The following CDCA7 variants were observed in gnomAD, a reference collection of about 807,000 sequenced individuals.
CDCA7 encodes cell division cycle-associated protein 7.
CDCA7 carries 28 observed loss-of-function variants against 54.0 expected under a neutral mutation model. The ratio of observed to expected loss-of-function variants is 0.52; its 90% CI spans 0.38 to 0.71. The LOEUF is 0.71. Among genes scored for constraint, CDCA7 ranks in the 30% least tolerant of loss-of-function variants. CDCA7 has a pLI of 0.00. For missense variants in CDCA7, 484 were observed against 586.0 expected (o/e 0.83, Z 1.80); for synonymous variants, 180 against 208.2 (o/e 0.86, Z 1.16).
chr2:173,367,100 G>T, intron 8 of CDCA7, 50 bp from the exon 9 acceptor site: 1 of 1,532,928 alleles, frequency 6.5e-7, no homozygotes, highest in Non-Finnish European at 8.7e-7. Flanking sequence ...ATAAGTTGGT[G>T]GGGGAGGTAA....
At chr2:173,360,610 A>G (rs2106389279) in intron 3 of CDCA7, among the ~76,000 whole-genome samples, 1 of 152,114 alleles carries the variant, frequency 6.6e-6, no homozygotes, top group Admixed American at 6.5e-5. Flanking sequence ...CCAGTAGCTG[A>G]GACTACAGGC....
chr2:173,363,866 G>T lies in CDCA7; in HGVS notation c.670G>T (p.Gly224Ter). 2 of 1,614,184 alleles carry T rather than the reference G, an allele frequency of 1.2e-6. No individual in the cohort carries two copies. The highest frequency in any genetic ancestry group is 1.7e-6 in the Non-Finnish European group (2 of 1,180,030). The change falls in exon 5 of 10, where the codon GGA (glycine) becomes TGA (stop). Residue 224 changes from glycine to a stop codon, truncating the protein, a stop_gained. Transcript: ENST00000306721. LOFTEE classifies it high-confidence loss of function. ...AGAAAGCTTCCCTGGCTCGTTCCGT[G>T]GAAGACATCCCCTCCCAGGCTCCGA... is the stretch of plus-strand genomic sequence containing the variant. The part of the protein sequence containing the change: ...ELESFPGSFR[G>*]RHPLPGSDSQ...
Position 173,366,987 on chromosome 2 carries a change from A to T in CDCA7, c.1186-163A>T, listed in dbSNP as rs1196348250. On this transcript the variant is annotated intron_variant, in intron 8 of 9. Coordinates refer to ENST00000306721, the MANE Select transcript of CDCA7 (RefSeq NM_031942.5). This position sits in a 1 kb window ranked among gnomAD's most constrained non-coding sequence, Gnocchi z 4.5. ...TCCCTGGTAGCTGCTTGTAACTTCC[A>T]CTCCTGGAAGGAAGCATTAGGCATT... Among the ~76,000 whole-genome samples, 1 of 152,032 alleles carries T rather than the reference A, an allele frequency of 6.6e-6. No homozygotes were observed. The highest frequency in any genetic ancestry group is 1.9e-4 in the East Asian group (1 of 5,192).
chr2:173,366,685 C>T lies in CDCA7; in HGVS notation c.1185+253C>T, dbSNP rs527394718. ...TCCCAAGTAGCTGGGACTACAGGCA[C>T]GCGCCACCACACCTAGCTAATTTTT... On this transcript the variant is annotated intron_variant, in intron 8 of 9. Transcript: ENST00000306721. This position sits in a 1 kb window ranked among gnomAD's most constrained non-coding sequence, Gnocchi z 4.5. Among the ~76,000 whole-genome samples the T allele has an allele frequency of 2.3e-4, 35 of 152,206 alleles. No homozygotes were observed. Among genetic ancestry groups the T allele is most frequent in the South Asian group, 4.2e-4 (2 of 4,812 alleles).
chr2:173,367,346 G>A, intron 9 of CDCA7, 60 bp downstream of exon 9: 1 of 1,607,004 alleles, frequency 6.2e-7, no homozygotes, highest in Non-Finnish European at 8.5e-7. Flanking sequence ...ATGTCTTAAT[G>A]AGAAGATGAT....
In CDCA7 at chr2:173,358,729, AAAG is replaced by A. The variant is rs770979057; in HGVS notation, c.45_47del (p.Lys15del). On this transcript the variant is annotated inframe_deletion, in exon 2 of 10. Coordinates refer to ENST00000306721, the MANE Select transcript of CDCA7 (RefSeq NM_031942.5). ...ATTTGCAGCAGAAAGATCTCAGAGT[AAAG>A]AAGAACTTAAAGAAATTCAGATATG... The A allele has an allele frequency of 2.5e-5, 41 of 1,613,770 alleles. No homozygotes were observed. The highest frequency in any genetic ancestry group is 1.3e-4 in the East Asian group (6 of 44,880).
At chr2:173,359,178 C>G (rs1686571372) in intron 2 of CDCA7, 77 bp from the exon 3 acceptor site, 9 of 1,188,070 alleles carry the variant, frequency 7.6e-6, no homozygotes, top group Admixed American at 2.0e-5. Context: ...GTGATTTGCT[C>G]TCTGCACGGT....
chr2:173,358,073 G>GC (rs1686544255), intron 1 of CDCA7, among the ~76,000 whole-genome samples: 1 of 151,938 alleles, frequency 6.6e-6, no homozygotes, highest in Admixed American at 6.6e-5. Context: ...GGTGGCGGGC[G>GC]CCTGTAATCC....
rs1239402356 is a variant in CDCA7, at chr2:173,368,753, G to T, written c.*1089G>T. On this transcript the variant is annotated 3_prime_UTR_variant, in exon 10 of 10. Transcript: ENST00000306721. Reference sequence around the variant, plus strand: ...TGGTAGAGGTGGAATCTAAGTGTTTGTATGTCCAATTTACTTGCATATGTA... The same window carrying T: ...TGGTAGAGGTGGAATCTAAGTGTTTTTATGTCCAATTTACTTGCATATGTA... 2.0e-5 allele frequency: 3 copies of T among 152,154 alleles called. No homozygotes were observed. The highest frequency in any genetic ancestry group is 4.1e-4 in the South Asian group (2 of 4,828). 9.4% of individuals were successfully genotyped at this position (152,154 alleles called of 1,614,324 possible). A position where few individuals can be genotyped will look rare whatever the true frequency, so the allele number is the denominator to read the frequency against.
At position 173,354,915 on chromosome 2, in the gene CDCA7, TG is replaced by T. The variant is rs755397947; in HGVS notation, c.-48del. ...GCTGTGGGACCGCTGACCGCGCGGCTGCTCCGCTCTCCCCGCTCCAAGCGCC... is the reference window on the plus strand; with the variant it reads ...GCTGTGGGACCGCTGACCGCGCGGCTCTCCGCTCTCCCCGCTCCAAGCGCC... On this transcript the variant is annotated 5_prime_UTR_variant, in exon 1 of 10. Coordinates refer to ENST00000306721, the MANE Select transcript of CDCA7 (RefSeq NM_031942.5). 7.1e-4 allele frequency: 1,033 copies of T among 1,447,182 alleles called. 2 individuals carry two copies. Among genetic ancestry groups the T allele is most frequent in the Non-Finnish European group, 8.4e-4 (931 of 1,104,070 alleles). 89.6% of individuals were successfully genotyped at this position (1,447,182 alleles called of 1,614,324 possible).
chr2:173,363,174 T>C (rs1219899309), intron 3 of CDCA7, 52 bp from the exon 4 acceptor site: 3 of 1,546,628 alleles, frequency 1.9e-6, no homozygotes, highest in Non-Finnish European at 2.7e-6. Context: ...GTAGTTATAC[T>C]GATGCAGCTT....
intron 1 of CDCA7, among the ~76,000 whole-genome samples, chr2:173,357,813 C>CA (rs1686538002): frequency 6.6e-6 from 1 of 152,088 alleles, no homozygotes; most frequent in Non-Finnish European, 1.5e-5. Context: ...ATTAGGGGCT[C>CA]ATAAAGGTGG....
Position 173,366,266 on chromosome 2 carries a change from T to C in CDCA7, c.1036-17T>C. 6.3e-7 allele frequency: 1 copy of C among 1,584,226 alleles called. No homozygotes were observed. Among genetic ancestry groups the C allele is most frequent in the Non-Finnish European group, 8.6e-7 (1 of 1,167,808 alleles). ...CAGTGGTTTTTTTTGTTTTTTTTCT[T>C]AATGGCTTATTTGTAGGGCTCTACT... On this transcript the variant is annotated splice_polypyrimidine_tract_variant and intron_variant, in intron 7 of 9. Coordinates refer to ENST00000306721, the MANE Select transcript of CDCA7 (RefSeq NM_031942.5). This position sits in a 1 kb window ranked among gnomAD's most constrained non-coding sequence, Gnocchi z 4.5.
At position 173,367,621 on chromosome 2, in the gene CDCA7, T is replaced by A; in HGVS notation, c.1323-13T>A. The A allele has an allele frequency of 6.2e-7, 1 of 1,614,126 alleles. No individual in the cohort carries two copies. The highest frequency in any genetic ancestry group is 1.3e-5 in the African/African-American group (1 of 75,050). ...AAACTATGTCCTGACACATTTCCTT[T>A]TGTTTTTCACAGCCTGAAACAGGAA... On this transcript the variant is annotated splice_polypyrimidine_tract_variant and intron_variant, in intron 9 of 9. Transcript: ENST00000306721.
At position 173,365,459 on chromosome 2, in the gene CDCA7, A is replaced by G; in HGVS notation, c.902A>G (p.Asp301Gly). ...KTVDGYMNED[D>G]LPRSRRSRSS... is the part of the protein sequence containing the mutation. The stretch of plus-strand genomic sequence containing the variant: ...GTATTCCTTGTAATGCAGGAAGATG[A>G]CCTGCCCAGAAGCCGTCGCTCCAGA... The change falls in exon 7 of 10, where the codon GAC (aspartate) becomes GGC (glycine). Residue 301 changes from aspartate to glycine, a missense_variant. Physicochemically the swap from Asp to Gly is moderately conservative, Grantham distance 94 (BLOSUM62 -1). Coordinates refer to ENST00000306721, the MANE Select transcript of CDCA7 (RefSeq NM_031942.5). 6.2e-7 allele frequency: 1 copy of G among 1,611,276 alleles called. No homozygotes were observed. Among genetic ancestry groups the G allele is most frequent in the Non-Finnish European group, 8.5e-7 (1 of 1,178,930 alleles).
chr2:173,359,519 A>G (rs1686581376), intron 3 of CDCA7, 28 bp downstream of exon 3: 2 of 1,584,522 alleles, frequency 1.3e-6, no homozygotes, highest in Non-Finnish European at 1.7e-6. Flanking sequence ...ACCAGTTTCA[A>G]GAAGTAAGAT....
At position 173,364,882 on chromosome 2, in the gene CDCA7, A is replaced by G; in HGVS notation, c.787A>G (p.Arg263Gly). The G allele has an allele frequency of 1.2e-6, 2 of 1,611,156 alleles. No homozygotes were observed. Among genetic ancestry groups the G allele is most frequent in the Non-Finnish European group, 1.7e-6 (2 of 1,179,004 alleles). The stretch of plus-strand genomic sequence containing the variant: ...GAGAGCTCGTCCTCTTACCAGGTCA[A>G]GGTCCCGGATCCTCGGGTCCCTTGA... ...ERRARPLTRS[R>G]SRILGSLDAL... The change falls in exon 6 of 10, where the codon AGG becomes GGG. Residue 263 changes from arginine (R) to glycine (G), a missense_variant. Coordinates refer to ENST00000306721, the MANE Select transcript of CDCA7 (RefSeq NM_031942.5).
chr2:173,360,723 C>T (rs1233841075), intron 3 of CDCA7, among the ~76,000 whole-genome samples: 4 of 152,226 alleles, frequency 2.6e-5, no homozygotes, highest in East Asian at 1.9e-4. Context: ...GCAATCCTCC[C>T]GTCTCGGCCT....
At chr2:173,363,970 T>C (rs1574219604) in intron 5 of CDCA7, 75 bp downstream of exon 5, 3 of 1,371,462 alleles carry the variant, frequency 2.2e-6, no homozygotes, top group African/African-American at 2.9e-5. Flanking sequence ...TATTTAAAAA[T>C]CTAATTTCTT....
Sources: allele counts gnomAD v4.1 joint callset (sites outside exome capture counted in the v4.1 genomes callset), GRCh38; gene constraint gnomAD v4.1.1; non-coding constraint Gnocchi (gnomAD v3.1); transcripts MANE v1.5; gene names NCBI Gene and HGNC (gene_info 2026-07-23, HGNC 2026-07-21).